Variants in MYH13 observed in about 807,000 individuals in gnomAD.
MYH13 encodes myosin-13.
In MYH13, 177 loss-of-function variants were observed where a neutral mutation model predicts 232.1. The observed-to-expected ratio is 0.76, with a 90% CI of 0.67 to 0.86. The LOEUF is 0.86. Among genes scored for constraint, MYH13 ranks in the 40% least tolerant of loss-of-function variants. The pLI is 0.00. For missense variants in MYH13, 2,246 were observed against 2,405.9 expected (o/e 0.93, Z 1.39); for synonymous variants, 884 against 923.5 (o/e 0.96, Z 0.78).
In MYH13 at chr17:10,329,758, G is replaced by A. The variant is rs200427532; in HGVS notation, c.2435+629C>T. Reference sequence around the variant, plus strand: ...AGCAATGTGGGAGGCCAAGGCGGGCGGATCACCTGAGGTCAGGAGTTCAAG... The same window carrying A: ...AGCAATGTGGGAGGCCAAGGCGGGCAGATCACCTGAGGTCAGGAGTTCAAG... On this transcript the variant is annotated intron_variant, in intron 21 of 40. Coordinates refer to ENST00000252172, the MANE Select transcript of MYH13 (RefSeq NM_003802.3). Among the ~76,000 whole-genome samples the A allele has an allele frequency of 4.6e-5, 7 of 152,060 alleles. No homozygotes were observed. In the East Asian group the frequency reaches 5.8e-4, roughly 13 times the overall value.
chr17:10,326,981 GTTTTTTTTTTTTTTTTTTTTTTTT>G lies in MYH13; in HGVS notation c.2691+861_2691+884del, dbSNP rs61543278. Among the ~76,000 whole-genome samples the G allele has an allele frequency of 1.4e-4, 8 of 55,834 alleles. 1 individual carries two copies. The highest frequency in any genetic ancestry group is 4.7e-4 in the African/African-American group (6 of 12,840). The allele number at this position is 55,834 out of a possible 152,430, so 36.6% of individuals were successfully genotyped here. On this transcript the variant is annotated intron_variant, in intron 22 of 40. Transcript: ENST00000252172. ...GAGACATGCACCACCATGCCTACTA[GTTTTTTTTTTTTTTTTTTTTTTTT>G]TTTTTTTTTTTTTTGAGACGGAGTC...
Position 10,306,197 on chromosome 17 carries a change from G to C in MYH13, c.5466+262C>G, listed in dbSNP as rs1006570608. Among the ~76,000 whole-genome samples the C allele has an allele frequency of 1.7e-4, 25 of 149,416 alleles. No homozygotes were observed. The highest frequency in any genetic ancestry group is 6.0e-4 in the Admixed American group (9 of 14,970). ...CATACATCATTATATTACATTTACT[G>C]AGGTGTGAGCATACCAAAATAGATG... On this transcript the variant is annotated intron_variant, in intron 37 of 40. Transcript: ENST00000252172. This position sits in a 1 kb window ranked among gnomAD's most constrained non-coding sequence, Gnocchi z 4.3.
At chr17:10,311,878 A>G (rs1407603074) in intron 32 of MYH13, 33 bp downstream of exon 32, 7 of 1,612,658 alleles carry the variant, frequency 4.3e-6, no homozygotes, top group Non-Finnish European at 5.9e-6. Flanking sequence ...GGAGAGGGGG[A>G]CATAGCACAC....
chr17:10,313,700 C>T (rs1011235045), intron 29 of MYH13, among the ~76,000 whole-genome samples: 2 of 152,192 alleles, frequency 1.3e-5, no homozygotes, highest in African/African-American at 4.8e-5. Context: ...GGGGTCTACC[C>T]TCTATTTCTT....
chr17:10,309,830 C>A lies in MYH13; in HGVS notation c.4657G>T (p.Gly1553Cys). Residue 1553 changes from glycine (G) to cysteine (C), a missense_variant and splice_region_variant, in exon 34 of 41, where the codon GGT becomes TGT. Transcript: ENST00000252172. The stretch of plus-strand genomic sequence containing the variant: ...TTGCTCTCCTCGTGTTCCAAGGAAC[C>A]CTGACGAAAGCAAAGGAGTGATTGA... Reference protein sequence around the residue: ...DLQVALEEVEGSLEHEESKIL... With the variant: ...DLQVALEEVECSLEHEESKIL... 1 of 1,563,394 alleles carries A rather than the reference C, an allele frequency of 6.4e-7. No homozygotes were observed. The highest frequency in any genetic ancestry group is 8.7e-7 in the Non-Finnish European group (1 of 1,152,480).
intron 2 of MYH13, among the ~76,000 whole-genome samples, chr17:10,369,784 A>G (rs2071865033): frequency 6.6e-6 from 1 of 152,134 alleles, no homozygotes; most frequent in Non-Finnish European, 1.5e-5. Context: ...ATCCCTCCAT[A>G]TTCCTGCAAT....
intron 27 of MYH13, among the ~76,000 whole-genome samples, chr17:10,318,254 A>C (rs1906788329): frequency 6.6e-6 from 1 of 152,134 alleles, no homozygotes; most frequent in Non-Finnish European, 1.5e-5. Flanking sequence ...AGATCATCCA[A>C]TTGTGCTTGA....
intron 35 of MYH13, 21 bp downstream of exon 35, chr17:10,309,213 G>C (rs374194173): frequency 4.3e-6 from 7 of 1,609,300 alleles, no homozygotes; most frequent in Non-Finnish European, 5.1e-6. Flanking sequence ...ACCTTCAGCG[G>C]AGGAGTGAGG....
chr17:10,320,282 C>A, intron 25 of MYH13, 39 bp from the exon 26 acceptor site: 1 of 1,601,476 alleles, frequency 6.2e-7, no homozygotes, highest in Admixed American at 1.7e-5. Context: ...ACATGAAATA[C>A]AAGCCTCTTG....
intron 7 of MYH13, among the ~76,000 whole-genome samples, chr17:10,358,762 A>C (rs2071768802): frequency 6.6e-6 from 1 of 152,014 alleles, no homozygotes; most frequent in Non-Finnish European, 1.5e-5. Flanking sequence ...TCTCTCCAAA[A>C]TAAAAAGGAA....
Position 10,330,511 on chromosome 17 carries a change from C to A in MYH13, c.2311G>T (p.Ala771Ser). ...RFGNTKVFFK[A>S]GLLGLLEEMR... ...TCCTCCAAAAGTCCCAGGAGCCCAG[C>A]TTTGAAAAACACCTGCATTAAAAGA... Residue 771 changes from alanine to serine, a missense_variant, in exon 21 of 41, where the codon GCT (alanine) becomes TCT (serine). Transcript: ENST00000252172. 1 of 1,609,180 alleles carries A rather than the reference C, an allele frequency of 6.2e-7. No individual in the cohort carries two copies. The highest frequency in any genetic ancestry group is 8.5e-7 in the Non-Finnish European group (1 of 1,178,496).
intron 2 of MYH13, among the ~76,000 whole-genome samples, chr17:10,366,379 C>CTTTTTTTTTTTTT (rs1555553015): frequency 8.5e-4 from 100 of 116,990 alleles, no homozygotes; most frequent in Non-Finnish European, 1.5e-3. Context: ...AGAAATAAAT[C>CTTTTTTTTTTTTT]TGTTTTTTTT....
At chr17:10,351,722 T>C (rs2071712144) in intron 11 of MYH13, among the ~76,000 whole-genome samples, 1 of 152,174 alleles carries the variant, frequency 6.6e-6, no homozygotes, top group South Asian at 2.1e-4. Flanking sequence ...GGGTCATTGC[T>C]GGTTTGGTTT....
rs2071802135 is a variant in MYH13, at chr17:10,362,470, T to C, written c.238A>G (p.Met80Val). 2 of 1,614,136 alleles carry C rather than the reference T, an allele frequency of 1.2e-6. No homozygotes were observed. Among genetic ancestry groups the C allele is most frequent in the East Asian group, 4.5e-5 (2 of 44,884 alleles). Residue 80 changes from methionine (M) to valine (V), a missense_variant, in exon 4 of 41, where the codon ATG becomes GTG. Coordinates refer to ENST00000252172, the MANE Select transcript of MYH13 (RefSeq NM_003802.3). Reference sequence around the variant, plus strand: ...ATCTTGTCAAATTTGGGAGGGTTCATGGGGAAGACCTGGTCATTGTTCAGA... The same window carrying C: ...ATCTTGTCAAATTTGGGAGGGTTCACGGGGAAGACCTGGTCATTGTTCAGA... ...LTLNNDQVFP[M>V]NPPKFDKIED...
At chr17:10,301,725 T>C in intron 39 of MYH13, 22 bp from the exon 40 acceptor site, 1 of 1,611,424 alleles carries the variant, frequency 6.2e-7, no homozygotes, top group Non-Finnish European at 8.5e-7. Context: ...ACAGAGGGGG[T>C]ATGACGCTGT....
intron 11 of MYH13, 80 bp downstream of exon 11, chr17:10,354,600 C>G: frequency 7.6e-7 from 1 of 1,312,306 alleles, no homozygotes; most frequent in Non-Finnish European, 1.1e-6. Flanking sequence ...TTCAGCTTTC[C>G]CATTAGCTCA....
chr17:10,321,730 T>C (rs62058070), intron 23 of MYH13, 22 bp from the exon 24 acceptor site: 4 of 1,585,118 alleles, frequency 2.5e-6, no homozygotes, highest in South Asian at 1.1e-5. Context: ...TTAACACCGA[T>C]TTAATATGGA....
In MYH13 at chr17:10,309,801, G is replaced by A. The variant is rs897104663; in HGVS notation, c.4686C>T (p.Ile1562=). 6.3e-7 allele frequency: 1 copy of A among 1,591,878 alleles called. No individual in the cohort carries two copies. Among genetic ancestry groups the A allele is most frequent in the African/African-American group, 1.3e-5 (1 of 74,486 alleles). The change falls in exon 34 of 41, where the codon ATC becomes ATT. Residue 1562 remains isoleucine (I), a synonymous_variant. Coordinates refer to ENST00000252172, the MANE Select transcript of MYH13 (RefSeq NM_003802.3). Reference sequence around the variant, plus strand: ...GGCTCAGCTCTAGCTGCACGCGCAAGATCTTGCTCTCCTCGTGTTCCAAGG... The same window carrying A: ...GGCTCAGCTCTAGCTGCACGCGCAAAATCTTGCTCTCCTCGTGTTCCAAGG... ...EGSLEHEESK[I]LRVQLELSQV... is the part of the protein sequence containing the mutation.
chr17:10,302,123 T>C (rs1906115370), intron 39 of MYH13, among the ~76,000 whole-genome samples: 1 of 152,256 alleles, frequency 6.6e-6, no homozygotes, highest in Middle Eastern at 3.4e-3. Context: ...TGGGGGAATG[T>C]CAAGGATTCC....
Sources: allele counts gnomAD v4.1 joint callset (sites outside exome capture counted in the v4.1 genomes callset), GRCh38; gene constraint gnomAD v4.1.1; non-coding constraint Gnocchi (gnomAD v3.1); transcripts MANE v1.5; gene names NCBI Gene and HGNC (gene_info 2026-07-23, HGNC 2026-07-21).